The following GRHL2 variants were observed in gnomAD, a reference collection of about 807,000 sequenced individuals.
GRHL2 encodes the protein grainyhead-like protein 2 homolog.
In GRHL2, 21 loss-of-function variants were observed where a neutral mutation model predicts 83.8. That is an observed-to-expected ratio of 0.25 (90% CI 0.18 to 0.36). The LOEUF (loss-of-function observed/expected upper bound fraction) is 0.36, where lower values mean the gene tolerates loss of function less well. Ranked by LOEUF, GRHL2 falls within the 10% of genes least tolerant of loss-of-function variation. The pLI, the probability that GRHL2 is intolerant of heterozygous loss-of-function variation, is 1.00. For synonymous variants in GRHL2, 280 were observed against 278.9 expected (o/e 1.00, Z -0.04); for missense variants, 623 against 781.8 (o/e 0.80, Z 2.42).
chr8:101,536,391 A>T (rs1811045511), intron 1 of GRHL2, among the ~76,000 whole-genome samples: 1 of 152,238 alleles, frequency 6.6e-6, no homozygotes, highest in African/African-American at 2.4e-5. Flanking sequence ...GATTGACTTC[A>T]TGTAAGGGAT....
At chr8:101,530,957 G>A (rs1247137875) in intron 1 of GRHL2, among the ~76,000 whole-genome samples, 1 of 152,122 alleles carries the variant, frequency 6.6e-6, no homozygotes, top group African/African-American at 2.4e-5. Flanking sequence ...GAGGTTGTGC[G>A]TGGTGGCTCA....
chr8:101,527,617 T>C (rs1211394924), intron 1 of GRHL2, among the ~76,000 whole-genome samples: 1 of 152,252 alleles, frequency 6.6e-6, no homozygotes, highest in Non-Finnish European at 1.5e-5. Context: ...TGATCAGAAA[T>C]CAGCTACAAT....
chr8:101,566,408 A>G (rs1811718132), intron 4 of GRHL2, among the ~76,000 whole-genome samples: 1 of 151,366 alleles, frequency 6.6e-6, no homozygotes, highest in South Asian at 2.1e-4. Flanking sequence ...GCACCATTTG[A>G]CACTGTTGAT....
rs1304638835 is a variant in GRHL2, at chr8:101,669,239, A to G, written c.*2536A>G. 1 of 42,148 alleles carries G rather than the reference A, an allele frequency of 2.4e-5. No homozygotes were observed. Among genetic ancestry groups the G allele is most frequent in the Non-Finnish European group, 5.9e-5 (1 of 17,034 alleles). 2.6% of individuals were successfully genotyped at this position (42,148 alleles called of 1,614,324 possible). On this transcript the variant is annotated 3_prime_UTR_variant, in exon 16 of 16. Transcript: ENST00000646743. ...TCCATGGAAGATCATGGACATGTGA[A>G]ATGAGCATTTTTTTCTTTTTTTTTT...
chr8:101,609,563 T>C (rs1281204888), intron 8 of GRHL2, among the ~76,000 whole-genome samples: 8 of 151,044 alleles, frequency 5.3e-5, no homozygotes, highest in Non-Finnish European at 1.2e-4. Context: ...TAGAAAGACA[T>C]TCATTGCAGC....
chr8:101,663,635 A>T (rs7830098), intron 14 of GRHL2, among the ~76,000 whole-genome samples: 31 of 151,440 alleles, frequency 2.0e-4, no homozygotes, highest in Admixed American at 7.2e-4. Flanking sequence ...ATAAATAAAT[A>T]AATAAATAAA....
In GRHL2 at chr8:101,574,163, C is replaced by T. The variant is rs888627496; in HGVS notation, c.891+339C>T. On this transcript the variant is annotated intron_variant, in intron 6 of 15. Coordinates refer to ENST00000646743, the MANE Select transcript of GRHL2 (RefSeq NM_024915.4). ...AAGTAAGTAGCTGTAAGTCAGAACC[C>T]CTCTGTGGGTGAGAAAGAGCTTTGT... 5.5e-4 allele frequency among the ~76,000 whole-genome samples: 83 copies of T among 152,156 alleles called. 1 individual carries two copies. The highest frequency in any genetic ancestry group is 1.0e-3 in the South Asian group (5 of 4,822).
At chr8:101,533,811 G>A (rs1810987675) in intron 1 of GRHL2, among the ~76,000 whole-genome samples, 1 of 152,156 alleles carries the variant, frequency 6.6e-6, no homozygotes, top group South Asian at 2.1e-4. Context: ...AGATGAAACA[G>A]CTGAAGTCAA....
chr8:101,623,884 G>A (rs1370729372), intron 9 of GRHL2, among the ~76,000 whole-genome samples: 1 of 139,372 alleles, frequency 7.2e-6, no homozygotes, highest in Non-Finnish European at 1.6e-5. Flanking sequence ...CAGTAGGACA[G>A]TTCACAGTAC....
chr8:101,532,647 G>T (rs1035836665), intron 1 of GRHL2, among the ~76,000 whole-genome samples: 4 of 151,998 alleles, frequency 2.6e-5, no homozygotes, highest in Non-Finnish European at 1.5e-5. Context: ...CTACTCGGCG[G>T]GGGGGCTGAG....
the GRHL2 span, among the ~76,000 whole-genome samples, chr8:101,677,179 T>A: frequency 1.3e-5 from 2 of 150,908 alleles, no homozygotes; most frequent in East Asian, 1.9e-4. Context: ...AACTTGCACA[T>A]TGTGCACATG....
intron 11 of GRHL2, among the ~76,000 whole-genome samples, chr8:101,633,326 A>G (rs1399078013): frequency 6.6e-6 from 1 of 152,182 alleles, no homozygotes; most frequent in Admixed American, 6.5e-5. Context: ...TTTCTTTTAA[A>G]CCCAAAGTCC....
At chr8:101,674,451 A>T (rs914324691), downstream of GRHL2, among the ~76,000 whole-genome samples, 1 of 152,196 alleles carries the variant, frequency 6.6e-6, no homozygotes, top group Non-Finnish European at 1.5e-5. Context: ...TAAACTAGAA[A>T]ATCTAGAAGA....
At chr8:101,517,763 G>A (rs567567423) in intron 1 of GRHL2, among the ~76,000 whole-genome samples, 1 of 152,256 alleles carries the variant, frequency 6.6e-6, no homozygotes, top group South Asian at 2.1e-4. Flanking sequence ...CATCACAAAT[G>A]TAATTAAGCA....
At chr8:101,557,542 C>T (rs778218166) in intron 3 of GRHL2, among the ~76,000 whole-genome samples, 1 of 152,018 alleles carries the variant, frequency 6.6e-6, no homozygotes, top group Non-Finnish European at 1.5e-5. Context: ...TCCTTAATAT[C>T]GCCAAATCCC....
rs1385536559 is a variant in GRHL2, at chr8:101,501,803, A to AT, written c.20+9020dup. 2.6e-5 allele frequency among the ~76,000 whole-genome samples: 4 copies of AT among 152,096 alleles called. No homozygotes were observed. The East Asian group carries it at 5.8e-4, about 22-fold the overall frequency. ...GAAGAAATGTAAGAAGAAATCTTACATTTTTTCTTCTGTGTTTCATTTTGG... is the reference window on the plus strand; with the variant it reads ...GAAGAAATGTAAGAAGAAATCTTACATTTTTTTCTTCTGTGTTTCATTTTGG... On this transcript the variant is annotated intron_variant, in intron 1 of 15. Transcript: ENST00000646743.
At chr8:101,596,207 T>C (rs904455377) in intron 7 of GRHL2, among the ~76,000 whole-genome samples, 2 of 151,902 alleles carry the variant, frequency 1.3e-5, no homozygotes, top group African/African-American at 2.4e-5. Context: ...AAATGAAAGA[T>C]GGTTCAACCT....
At chr8:101,509,877 G>A (rs987348596) in intron 1 of GRHL2, among the ~76,000 whole-genome samples, 3 of 151,900 alleles carry the variant, frequency 2.0e-5, no homozygotes, top group Non-Finnish European at 4.4e-5. Flanking sequence ...TGCTTGATTA[G>A]GAAGTCAACC....
chr8:101,535,830 G>T (rs1811035747), intron 1 of GRHL2, among the ~76,000 whole-genome samples: 1 of 152,186 alleles, frequency 6.6e-6, no homozygotes, highest in Non-Finnish European at 1.5e-5. Context: ...ATGAGCCAGT[G>T]CACCTGGCCT....
Sources: gnomAD v4.1 joint callset for allele counts (sites outside exome capture counted in the v4.1 genomes callset) on GRCh38, gnomAD v4.1.1 for gene constraint, MANE v1.5 for transcripts, NCBI Gene and HGNC (gene_info 2026-07-23, HGNC 2026-07-21) for gene names.